Variants in EHBP1 observed in about 807,000 individuals in gnomAD.
EHBP1 encodes the protein EH domain binding protein 1.
A neutral mutation model predicts 144.0 loss-of-function variants in EHBP1; 55 were observed. That is an observed-to-expected ratio of 0.38 (90% CI 0.31 to 0.48). EHBP1 has a LOEUF of 0.48. Among genes scored for constraint, EHBP1 ranks in the 20% least tolerant of loss-of-function variants. The pLI is 0.98. For missense variants in EHBP1, 1,200 were observed against 1,364.2 expected (o/e 0.88, Z 1.90); for synonymous variants, 469 against 472.7 (o/e 0.99, Z 0.10).
Position 62,691,576 on chromosome 2 carries a change from G to A in EHBP1, c.-295-15321G>A, listed in dbSNP as rs138801599. On this transcript the variant is annotated intron_variant, in intron 1 of 22. Transcript: ENST00000405015. ...AAAAAAGGAGAATGGGTATTGACAG[G>A]CAACTAACAATATTTGCTTCTGAAC... is the stretch of plus-strand genomic sequence containing the variant. Among the ~76,000 whole-genome samples, 292 of 152,222 alleles carry A rather than the reference G, an allele frequency of 1.9e-3. 1 individual carries two copies. Among genetic ancestry groups the A allele is most frequent in the African/African-American group, 6.8e-3 (281 of 41,514 alleles).
upstream of EHBP1, among the ~76,000 whole-genome samples, chr2:62,703,229 T>C (rs528282117): frequency 9.9e-5 from 15 of 151,296 alleles, no homozygotes; most frequent in Non-Finnish European, 2.1e-4. Context: ...TAGCCAGTCG[T>C]GGTAGCATGC....
At chr2:62,919,845 C>A (rs1217117167) in intron 10 of EHBP1, among the ~76,000 whole-genome samples, 1 of 151,894 alleles carries the variant, frequency 6.6e-6, no homozygotes. Flanking sequence ...GAAAAAAATT[C>A]TGGAACTGAA....
chr2:62,987,410 C>T (rs901171847), intron 15 of EHBP1, among the ~76,000 whole-genome samples: 4 of 152,232 alleles, frequency 2.6e-5, no homozygotes, highest in Non-Finnish European at 5.9e-5. Flanking sequence ...ATGCTAGTCT[C>T]ACTCTTAATC....
intron 7 of EHBP1, among the ~76,000 whole-genome samples, chr2:62,844,224 G>T (rs2048129806): frequency 1.3e-5 from 2 of 152,092 alleles, no homozygotes; most frequent in South Asian, 4.1e-4. Context: ...TACAGTCTTT[G>T]CTAGGAGGTG....
intron 2 of EHBP1, among the ~76,000 whole-genome samples, chr2:62,740,211 A>C (rs2038570079): frequency 6.6e-6 from 1 of 152,202 alleles, no homozygotes; most frequent in South Asian, 2.1e-4. Flanking sequence ...ATGACACAAA[A>C]ATATAAGTAA....
At chr2:62,927,153 A>G (rs1214802411) in intron 10 of EHBP1, among the ~76,000 whole-genome samples, 8 of 152,204 alleles carry the variant, frequency 5.3e-5, no homozygotes, top group African/African-American at 1.7e-4. Flanking sequence ...AGTTGATCTC[A>G]TAGAAGTAAA....
intron 19 of EHBP1, among the ~76,000 whole-genome samples, chr2:63,025,225 G>A (rs2060924323): frequency 6.6e-6 from 1 of 152,168 alleles, no homozygotes; most frequent in Non-Finnish European, 1.5e-5. Flanking sequence ...ACAAGTATGG[G>A]AAATGAAAAT....
intron 10 of EHBP1, among the ~76,000 whole-genome samples, chr2:62,934,303 G>T (rs2056216565): frequency 6.6e-6 from 1 of 152,144 alleles, no homozygotes; most frequent in African/African-American, 2.4e-5. Context: ...GTAGTACCTT[G>T]TGTAATTCTC....
At chr2:62,927,459 T>C in intron 10 of EHBP1, among the ~76,000 whole-genome samples, 1 of 152,156 alleles carries the variant, frequency 6.6e-6, no homozygotes, top group Non-Finnish European at 1.5e-5. Context: ...AACATCACCA[T>C]GTTCCCCTTG....
chr2:62,981,179 A>G (rs933756609), intron 15 of EHBP1, among the ~76,000 whole-genome samples: 9 of 151,614 alleles, frequency 5.9e-5, no homozygotes, highest in Non-Finnish European at 2.9e-5. Flanking sequence ...CTACAGCTTT[A>G]TAGTAAGATC....
chr2:62,736,190 TTC>T (rs2038102336), intron 2 of EHBP1, among the ~76,000 whole-genome samples: 1 of 151,720 alleles, frequency 6.6e-6, no homozygotes, highest in South Asian at 2.1e-4. Flanking sequence ...GGATATTCTA[TTC>T]TGTTTTTTTT....
chr2:62,838,548 A>G (rs977712847), intron 7 of EHBP1, among the ~76,000 whole-genome samples: 20 of 152,210 alleles, frequency 1.3e-4, no homozygotes, highest in African/African-American at 4.8e-4. Context: ...CAGTGAATCC[A>G]GGAGCTGGTT....
chr2:62,900,445 G>T (rs1159400539), intron 10 of EHBP1, among the ~76,000 whole-genome samples: 1 of 151,894 alleles, frequency 6.6e-6, no homozygotes, highest in Non-Finnish European at 1.5e-5. Context: ...AACATGGTGA[G>T]ACCCCATCTT....
At chr2:62,679,398 T>A (rs558634532) in intron 1 of EHBP1, among the ~76,000 whole-genome samples, 1 of 152,324 alleles carries the variant, frequency 6.6e-6, no homozygotes, top group Admixed American at 6.5e-5. Context: ...CCTGCAAATA[T>A]GACATCACTG....
intron 7 of EHBP1, among the ~76,000 whole-genome samples, chr2:62,842,900 T>C (rs1015291362): frequency 6.6e-6 from 1 of 152,186 alleles, no homozygotes; most frequent in Non-Finnish European, 1.5e-5. Flanking sequence ...TCTACACTAG[T>C]ATTGAAAGGA....
At chr2:62,679,527 T>A (rs1271201102) in intron 1 of EHBP1, among the ~76,000 whole-genome samples, 4 of 152,190 alleles carry the variant, frequency 2.6e-5, no homozygotes, top group Non-Finnish European at 5.9e-5. Context: ...CCTACCCCCA[T>A]AATTGGCTCT....
At chr2:62,874,594 A>C in intron 10 of EHBP1, 62 bp downstream of exon 10, 1 of 1,394,836 alleles carries the variant, frequency 7.2e-7, no homozygotes, top group Non-Finnish European at 9.7e-7. Context: ...CGTGCCATTT[A>C]ATTTAAATTA....
intron 1 of EHBP1, among the ~76,000 whole-genome samples, chr2:62,681,340 GTATATATA>G (rs768323831): frequency 3.6e-4 from 21 of 58,556 alleles, no homozygotes; most frequent in Non-Finnish European, 4.8e-4. Context: ...ATGTGTGTGT[GTATATATA>G]TATATATATA....
chr2:62,997,438 G>T (rs1252692347), intron 19 of EHBP1, among the ~76,000 whole-genome samples: 3 of 148,266 alleles, frequency 2.0e-5, no homozygotes, highest in Non-Finnish European at 1.5e-5. Context: ...ATGTGTGTGT[G>T]TGTGTGTGTG....
Sources: allele counts gnomAD v4.1 joint callset (sites outside exome capture counted in the v4.1 genomes callset), GRCh38; gene constraint gnomAD v4.1.1; transcripts MANE v1.5; gene names NCBI Gene and HGNC (gene_info 2026-07-23, HGNC 2026-07-21).